Variants in PRP4K observed in about 807,000 individuals in gnomAD.
PRP4K encodes serine/threonine-protein kinase PRP4 homolog.
At chr6:4,031,503 C>T in the PRP4K span, 2 of 1,274,868 alleles carry the variant, frequency 1.6e-6, no homozygotes, top group South Asian at 1.7e-5. Context: ...TTTCTTATGG[C>T]TCTTTGAATA....
the PRP4K span, among the ~76,000 whole-genome samples, chr6:4,048,171 G>T: frequency 3.3e-5 from 5 of 152,162 alleles, no homozygotes; most frequent in East Asian, 9.7e-4. Context: ...GAGGTCAGGA[G>T]ATCGAGACCA....
the PRP4K span, among the ~76,000 whole-genome samples, chr6:4,060,094 C>G: frequency 6.6e-6 from 1 of 152,208 alleles, no homozygotes; most frequent in Non-Finnish European, 1.5e-5. The surrounding 1 kb of genome is among the most constrained non-coding windows in gnomAD (Gnocchi z 4.7). Context: ...TCACACACAT[C>G]TAGGGTAAGT....
At chr6:4,062,139 G>T in the PRP4K span, 1 of 152,524 alleles carries the variant, frequency 6.6e-6, no homozygotes. This position sits in a 1 kb window ranked among gnomAD's most constrained non-coding sequence, Gnocchi z 4.2. Flanking sequence ...ATTCCTGTAG[G>T]TTATGGGGTA....
chr6:4,058,627 G>T, the PRP4K span: 18 of 887,750 alleles, frequency 2.0e-5, 1 homozygote, highest in East Asian at 4.8e-4. Context: ...AACCTACAGA[G>T]ACTAAATAAC....
At chr6:4,037,421 C>T in the PRP4K span, 1 of 1,613,492 alleles carries the variant, frequency 6.2e-7, no homozygotes, top group East Asian at 2.2e-5. Context: ...ATGATATCCT[C>T]AGTAGACGTG....
the PRP4K span, chr6:4,032,661 C>A: frequency 6.2e-7 from 1 of 1,613,824 alleles, no homozygotes; most frequent in Non-Finnish European, 8.5e-7. Context: ...GAGCAAATCC[C>A]CCTCGCGGAC....
At chr6:4,051,609 G>T in the PRP4K span, among the ~76,000 whole-genome samples, 1 of 152,132 alleles carries the variant, frequency 6.6e-6, no homozygotes, top group African/African-American at 2.4e-5. Flanking sequence ...GAGCTACCGC[G>T]CCTGGCCTGT....
the PRP4K span, among the ~76,000 whole-genome samples, chr6:4,039,883 C>G: frequency 0.087 from 12,109 of 139,580 alleles, 566 homozygotes; most frequent in Middle Eastern, 0.23. Context: ...TCTCTCTCCT[C>G]TCCCCTCTCC....
At chr6:4,029,301 G>A in the PRP4K span, among the ~76,000 whole-genome samples, 2 of 137,196 alleles carry the variant, frequency 1.5e-5, no homozygotes, top group African/African-American at 2.7e-5. Flanking sequence ...TTCCCTTCTT[G>A]TTAATTCCTT....
the PRP4K span, chr6:4,040,823 C>T: frequency 2.2e-4 from 355 of 1,613,694 alleles, 5 homozygotes; most frequent in South Asian, 3.0e-3. Context: ...CTCGATCACG[C>T]GGTGGTCGTA....
At chr6:4,041,130 C>T in the PRP4K span, among the ~76,000 whole-genome samples, 1 of 152,228 alleles carries the variant, frequency 6.6e-6, no homozygotes, top group South Asian at 2.1e-4. Context: ...GGTGTTTCAG[C>T]TTTGGCTGGA....
the PRP4K span, chr6:4,063,239 G>C: frequency 6.6e-6 from 1 of 152,078 alleles, no homozygotes; most frequent in African/African-American, 2.4e-5. Context: ...AATTAGTGCT[G>C]TTGTGGAGTG....
the PRP4K span, chr6:4,056,916 G>T: frequency 8.9e-7 from 1 of 1,122,240 alleles, no homozygotes; most frequent in Non-Finnish European, 1.3e-6. Flanking sequence ...TCAAACTAAG[G>T]CATGAAGATT....
At chr6:4,049,560 T>C in the PRP4K span, 2 of 635,070 alleles carry the variant, frequency 3.1e-6, no homozygotes, top group African/African-American at 3.7e-5. Context: ...ATGCAGCTTC[T>C]AACCACACTC....
chr6:4,058,973 A>G, the PRP4K span: 1 of 538,164 alleles, frequency 1.9e-6, no homozygotes. Flanking sequence ...ACCATGGAAA[A>G]GATGGAGGGA....
At chr6:4,047,389 T>C in the PRP4K span, 2 of 741,648 alleles carry the variant, frequency 2.7e-6, no homozygotes, top group Non-Finnish European at 2.1e-6. Context: ...AAAACTCTAC[T>C]AGTTTTGCAT....
At chr6:4,058,645 T>C in the PRP4K span, 5 of 980,078 alleles carry the variant, frequency 5.1e-6, no homozygotes. Context: ...AACATACTTA[T>C]TTGACTTATT....
the PRP4K span, among the ~76,000 whole-genome samples, chr6:4,022,304 G>GAA: frequency 4.4e-5 from 6 of 137,376 alleles, no homozygotes; most frequent in African/African-American, 1.1e-4. Context: ...AATGAAAAAT[G>GAA]AAAAAAAAAA....
At chr6:4,049,911 C>G in the PRP4K span, 318 of 1,610,010 alleles carry the variant, frequency 2.0e-4, 2 homozygotes, top group Non-Finnish European at 5.9e-6. Flanking sequence ...AAACCTTTAA[C>G]AGTACGGATA....
Sources: gnomAD v4.1 joint callset for allele counts (sites outside exome capture counted in the v4.1 genomes callset) on GRCh38, gnomAD v4.1.1 for gene constraint, Gnocchi (gnomAD v3.1) non-coding constraint, MANE v1.5 for transcripts, NCBI Gene and HGNC (gene_info 2026-07-23, HGNC 2026-07-21) for gene names.